Variants in SUMF1 observed in about 807,000 individuals in gnomAD.
The protein encoded by SUMF1 is sulfatase modifying factor 1.
SUMF1 carries 48 observed loss-of-function variants against 47.6 expected under a neutral mutation model. That is an observed-to-expected ratio of 1.01 (90% confidence interval 0.80 to 1.28). The LOEUF (loss-of-function observed/expected upper bound fraction) is 1.28, where lower values mean the gene tolerates loss of function less well. Among genes scored for constraint, SUMF1 ranks in the 50% most tolerant of loss-of-function variants. The pLI is 0.00. For missense variants in SUMF1, 571 were observed against 485.4 expected (o/e 1.18, Z -1.66); for synonymous variants, 230 against 192.1 (o/e 1.20, Z -1.63).
intron 8 of SUMF1, among the ~76,000 whole-genome samples, chr3:4,333,085 A>G (rs1042697299): frequency 1.3e-5 from 2 of 151,842 alleles, no homozygotes; most frequent in African/African-American, 4.8e-5. Flanking sequence ...CCCTAATAAA[A>G]CCCCACATTC....
At chr3:4,344,940 G>A (rs79027000) in intron 8 of SUMF1, among the ~76,000 whole-genome samples, 2,061 of 151,976 alleles carry the variant, frequency 0.014, 52 homozygotes, top group African/African-American at 0.047. Context: ...ATAAGAATTC[G>A]AAGACCACCT....
At chr3:4,120,271 T>A (rs1693509366) in intron 8 of SUMF1, among the ~76,000 whole-genome samples, 1 of 151,794 alleles carries the variant, frequency 6.6e-6, no homozygotes, top group African/African-American at 2.4e-5. Flanking sequence ...AAGCCCAGCA[T>A]TTGGTACCTA....
intron 9 of SUMF1, among the ~76,000 whole-genome samples, chr3:4,051,312 G>A (rs1639139974): frequency 6.6e-6 from 1 of 152,026 alleles, no homozygotes; most frequent in South Asian, 2.1e-4. Context: ...AGGGCCTGGT[G>A]CAGGATCACA....
intron 8 of SUMF1, among the ~76,000 whole-genome samples, chr3:4,115,047 C>T (rs1693390438): frequency 6.6e-6 from 1 of 151,826 alleles, no homozygotes; most frequent in African/African-American, 2.4e-5. Context: ...CCAAGACCAC[C>T]CTGGCCCACC....
chr3:4,312,250 T>A (rs1191148937), intron 8 of SUMF1, among the ~76,000 whole-genome samples: 3 of 152,166 alleles, frequency 2.0e-5, no homozygotes, highest in African/African-American at 7.2e-5. Context: ...TATGCATGTA[T>A]ATTATCAGGT....
At chr3:4,253,142 A>C (rs1340220953) in intron 8 of SUMF1, among the ~76,000 whole-genome samples, 1 of 152,224 alleles carries the variant, frequency 6.6e-6, no homozygotes, top group Non-Finnish European at 1.5e-5. Context: ...GTTATGACAC[A>C]AGCTCAGTTT....
chr3:4,087,479 C>T (rs1692696889), intron 8 of SUMF1, among the ~76,000 whole-genome samples: 1 of 152,100 alleles, frequency 6.6e-6, no homozygotes, highest in South Asian at 2.1e-4. Flanking sequence ...ACTTCAATGT[C>T]CATCTTCTTG....
At chr3:4,152,745 G>T (rs1694366773) in intron 8 of SUMF1, among the ~76,000 whole-genome samples, 1 of 151,466 alleles carries the variant, frequency 6.6e-6, no homozygotes, top group African/African-American at 2.5e-5. Context: ...CTGTCCTGAG[G>T]CTAGTAACAA....
At chr3:4,422,632 T>C (rs1575204003) in intron 3 of SUMF1, among the ~76,000 whole-genome samples, 1 of 152,268 alleles carries the variant, frequency 6.6e-6, no homozygotes, top group East Asian at 1.9e-4. Context: ...CAAATATATG[T>C]ACGCATTTCT....
chr3:4,384,332 A>G (rs1482037433), intron 7 of SUMF1, among the ~76,000 whole-genome samples: 2 of 152,194 alleles, frequency 1.3e-5, no homozygotes, highest in African/African-American at 4.8e-5. Flanking sequence ...TGTACTCTAT[A>G]TCCAGTTTTC....
At chr3:4,273,379 A>AACTTC (rs1445440261) in intron 8 of SUMF1, among the ~76,000 whole-genome samples, 10 of 152,124 alleles carry the variant, frequency 6.6e-5, no homozygotes, top group South Asian at 2.1e-4. Flanking sequence ...CTACAACATG[A>AACTTC]ATGAACTTCA....
chr3:4,443,887 AG>A (rs1236528527), intron 3 of SUMF1, among the ~76,000 whole-genome samples: 5 of 152,190 alleles, frequency 3.3e-5, no homozygotes, highest in South Asian at 2.1e-4. Flanking sequence ...ATAAAACAAA[AG>A]GACACACAAA....
intron 8 of SUMF1, among the ~76,000 whole-genome samples, chr3:4,083,151 T>G (rs1692602299): frequency 6.6e-6 from 1 of 152,120 alleles, no homozygotes; most frequent in Non-Finnish European, 1.5e-5. Flanking sequence ...TCTGCTGGGA[T>G]GCAGCTGTGT....
intron 8 of SUMF1, among the ~76,000 whole-genome samples, chr3:4,098,508 C>T (rs778659070): frequency 2.0e-5 from 3 of 152,096 alleles, no homozygotes; most frequent in Admixed American, 1.3e-4. Flanking sequence ...TATCTCCAGA[C>T]ACCAGAAATG....
chr3:4,056,480 C>T (rs992388034), intron 9 of SUMF1, among the ~76,000 whole-genome samples: 2 of 152,042 alleles, frequency 1.3e-5, no homozygotes, highest in South Asian at 2.1e-4. Context: ...TCAAGGCCAG[C>T]CTGGGCCGCA....
intron 8 of SUMF1, among the ~76,000 whole-genome samples, chr3:4,227,842 C>A (rs115008843): frequency 6.6e-6 from 1 of 152,188 alleles, no homozygotes; most frequent in Non-Finnish European, 1.5e-5. Flanking sequence ...GTTTCAGGAG[C>A]CAACACATTC....
At chr3:4,198,198 A>G (rs1041081001) in intron 8 of SUMF1, among the ~76,000 whole-genome samples, 1 of 152,116 alleles carries the variant, frequency 6.6e-6, no homozygotes, top group Non-Finnish European at 1.5e-5. Context: ...AAGAGTGGAA[A>G]TAAAACCAGT....
At chr3:4,291,292 C>T (rs1207905775) in intron 8 of SUMF1, among the ~76,000 whole-genome samples, 3 of 152,060 alleles carry the variant, frequency 2.0e-5, no homozygotes, top group Non-Finnish European at 2.9e-5. Context: ...GAGACATAAA[C>T]TCTTTAATTA....
At chr3:4,185,835 A>G (rs1248118126) in intron 8 of SUMF1, among the ~76,000 whole-genome samples, 2 of 152,196 alleles carry the variant, frequency 1.3e-5, no homozygotes, top group Non-Finnish European at 2.9e-5. Context: ...GGCTTGAACA[A>G]GGATATTTTT....
Sources: gnomAD v4.1 joint callset for allele counts (sites outside exome capture counted in the v4.1 genomes callset) on GRCh38, gnomAD v4.1.1 for gene constraint, MANE v1.5 for transcripts, NCBI Gene and HGNC (gene_info 2026-07-23, HGNC 2026-07-21) for gene names.